Variants in ENPP3 observed in about 807,000 individuals in gnomAD.
ENPP3 encodes ectonucleotide pyrophosphatase/phosphodiesterase family member 3.
In ENPP3, 104 loss-of-function variants were observed where a neutral mutation model predicts 117.8. The ratio of observed to expected loss-of-function variants is 0.88; its 90% CI spans 0.75 to 1.04. The LOEUF (loss-of-function observed/expected upper bound fraction) is 1.04, where lower values mean the gene tolerates loss of function less well. Ranked by LOEUF, ENPP3 falls within the 50% of genes least tolerant of loss-of-function variation. The probability of loss-of-function intolerance (pLI) is 0.00; values close to 1 mark genes in which losing one functional copy is unlikely to be tolerated. For missense variants in ENPP3, 1,026 were observed against 1,051.9 expected, an observed-to-expected ratio of 0.98 and a Z score of 0.34; for synonymous variants, 380 against 349.9, an observed-to-expected ratio of 1.09 and a Z score of -0.96.
chr6:131,740,147 A>T (rs371936178), intron 23 of ENPP3, 77 bp from the exon 24 acceptor site: 1 of 1,113,070 alleles, frequency 9.0e-7, no homozygotes, highest in South Asian at 2.6e-5. Flanking sequence ...TATGAAAAAA[A>T]CTATGTAAAC....
At chr6:131,737,586 C>T (rs1466121567) in intron 22 of ENPP3, among the ~76,000 whole-genome samples, 154 bp downstream of exon 22, 2 of 152,150 alleles carry the variant, frequency 1.3e-5, no homozygotes, top group Non-Finnish European at 2.9e-5. Context: ...GGATCCCTCA[C>T]ATAGTTTCTT....
At chr6:131,662,249 CT>C (rs926584736) in intron 6 of ENPP3, among the ~76,000 whole-genome samples, 51 of 146,936 alleles carry the variant, frequency 3.5e-4, no homozygotes, top group Non-Finnish European at 4.5e-4. Context: ...GATCTCTATT[CT>C]TTTTTTTTTT....
chr6:131,642,260 A>G (rs545414124), intron 2 of ENPP3, among the ~76,000 whole-genome samples: 3 of 152,078 alleles, frequency 2.0e-5, no homozygotes, highest in African/African-American at 7.2e-5. Context: ...CCTTGACACC[A>G]CGCTAGAGTT....
In ENPP3 at chr6:131,653,835, A is replaced by C. The variant is rs117934142; in HGVS notation, c.464+944A>C. 2.0e-5 allele frequency among the ~76,000 whole-genome samples: 3 copies of C among 152,284 alleles called. No individual in the cohort carries two copies. The East Asian group carries it at 5.8e-4, about 29-fold the overall frequency. The stretch of plus-strand genomic sequence containing the variant: ...AAGGGTGAATGAGGAGAGCTTTGTC[A>C]GGGGGCATAGGTGATGAACACGTGA... On this transcript the variant is annotated intron_variant, in intron 5 of 24. Coordinates refer to ENST00000357639, the MANE Select transcript of ENPP3 (RefSeq NM_005021.5).
intron 15 of ENPP3, among the ~76,000 whole-genome samples, chr6:131,696,586 T>C (rs1176483206): frequency 6.6e-6 from 1 of 152,170 alleles, no homozygotes; most frequent in Non-Finnish European, 1.5e-5. Context: ...GGAAATGGAA[T>C]CTTTGCTCAG....
At chr6:131,695,567 A>G (rs1779386811) in intron 15 of ENPP3, among the ~76,000 whole-genome samples, 2 of 152,224 alleles carry the variant, frequency 1.3e-5, no homozygotes, top group Admixed American at 6.5e-5. Context: ...TACAAAGTAA[A>G]CTAACTTACA....
chr6:131,679,014 C>A (rs1280066871), intron 11 of ENPP3, among the ~76,000 whole-genome samples: 1 of 80,308 alleles, frequency 1.2e-5, no homozygotes, highest in Non-Finnish European at 2.4e-5. Context: ...TCCTTCCTTC[C>A]TTCCTTCCTT....
At chr6:131,723,473 A>G (rs1442609642) in intron 18 of ENPP3, among the ~76,000 whole-genome samples, 1 of 152,200 alleles carries the variant, frequency 6.6e-6, no homozygotes, top group Admixed American at 6.5e-5. Context: ...GAGATAAAAC[A>G]TGCTCAGAGA....
intron 5 of ENPP3, among the ~76,000 whole-genome samples, chr6:131,654,206 T>G (rs1778331162): frequency 6.6e-6 from 1 of 151,828 alleles, no homozygotes; most frequent in Admixed American, 6.6e-5. Flanking sequence ...CGATCATAGC[T>G]CACTGCAGCC....
At chr6:131,639,265 A>T (rs1206685) in intron 1 of ENPP3, among the ~76,000 whole-genome samples, 46,039 of 107,120 alleles carry the variant, frequency 0.43, 10,921 homozygotes, top group Middle Eastern at 0.52. Flanking sequence ...ATATATATAT[A>T]TTTTTTTTTT....
In ENPP3 at chr6:131,652,607, T is replaced by C. The variant is rs1282386076; in HGVS notation, c.343T>C (p.Cys115Arg). The change falls in exon 4 of 25, where the codon TGT (cysteine) becomes CGT (arginine). Residue 115 changes from cysteine (C) to arginine (R), a missense_variant. Cys to Arg is a radical substitution (Grantham distance 180, BLOSUM62 -3). Coordinates refer to ENST00000357639, the MANE Select transcript of ENPP3 (RefSeq NM_005021.5). ...ETRLEASLCS[C>R]SDDCLQRKDC... ...CAGATTAGAGGCCAGCCTTTGCTCT[T>C]GTTCAGATGACTGTTTGCAGAGGAA... The C allele has an allele frequency of 1.2e-5, 19 of 1,613,974 alleles. No individual in the cohort carries two copies. The highest frequency in any genetic ancestry group is 1.5e-5 in the Non-Finnish European group (18 of 1,179,920).
intron 15 of ENPP3, among the ~76,000 whole-genome samples, chr6:131,702,638 CAGAA>C (rs1250558280): frequency 7.1e-6 from 1 of 139,990 alleles, no homozygotes; most frequent in Non-Finnish European, 1.5e-5. Flanking sequence ...AGGAATGCTG[CAGAA>C]AGAGTCTCTG....
At chr6:131,743,281 T>C (rs1377388677) in intron 24 of ENPP3, among the ~76,000 whole-genome samples, 1 of 143,228 alleles carries the variant, frequency 7.0e-6, no homozygotes, top group East Asian at 1.9e-4. Flanking sequence ...GGAGGATATA[T>C]GAGAAATAGT....
chr6:131,737,535 A>C, intron 22 of ENPP3, 103 bp downstream of exon 22: 2 of 697,962 alleles, frequency 2.9e-6, no homozygotes, highest in South Asian at 3.6e-5. Flanking sequence ...CCTGATATTA[A>C]GGGTCATTTT....
At chr6:131,717,451 A>G (rs1779923451) in intron 15 of ENPP3, among the ~76,000 whole-genome samples, 1 of 147,180 alleles carries the variant, frequency 6.8e-6, no homozygotes, top group Admixed American at 6.8e-5. Context: ...AAAATGAGAG[A>G]ATCTTTTAGG....
chr6:131,699,235 CA>C (rs4053087), intron 15 of ENPP3, among the ~76,000 whole-genome samples: 246 of 107,964 alleles, frequency 2.3e-3, no homozygotes, highest in East Asian at 5.9e-3. Context: ...AAGACTGTCT[CA>C]AAAAAAAAAA....
At chr6:131,703,857 G>A (rs1342606932) in intron 15 of ENPP3, among the ~76,000 whole-genome samples, 4 of 150,744 alleles carry the variant, frequency 2.7e-5, no homozygotes, top group East Asian at 2.0e-4. Flanking sequence ...TTTGTGTGAC[G>A]CATGAGAAAA....
intron 3 of ENPP3, among the ~76,000 whole-genome samples, chr6:131,652,334 G>A (rs921037316): frequency 1.4e-4 from 22 of 152,188 alleles, no homozygotes; most frequent in African/African-American, 1.4e-4. Flanking sequence ...CCTGGGTTGC[G>A]ATTTATAAAG....
chr6:131,737,994 A>T, intron 22 of ENPP3, 37 bp from the exon 23 acceptor site: 3 of 1,472,166 alleles, frequency 2.0e-6, no homozygotes, highest in Non-Finnish European at 2.8e-6. Context: ...ATTTCACTGA[A>T]GTGGACATTT....
Sources: gnomAD v4.1 joint callset for allele counts (sites outside exome capture counted in the v4.1 genomes callset) on GRCh38, gnomAD v4.1.1 for gene constraint, MANE v1.5 for transcripts, NCBI Gene and HGNC (gene_info 2026-07-23, HGNC 2026-07-21) for gene names.